The following OPN3 variants were observed in gnomAD, a reference collection of about 807,000 sequenced individuals.
OPN3 encodes the protein opsin 3, also known as opsin-3.
A neutral mutation model predicts 33.8 loss-of-function variants in OPN3; 29 were observed. That is an observed-to-expected ratio of 0.86 (90% CI 0.64 to 1.17). OPN3 has a LOEUF of 1.17. Among genes scored for constraint, OPN3 ranks in the 50% most tolerant of loss-of-function variants. The pLI is 0.00. For synonymous variants in OPN3, 216 were observed against 216.1 expected (o/e 1.00, Z 0.00); for missense variants, 437 against 514.1 (o/e 0.85, Z 1.45).
chr1:241,618,729 A>G (rs989653173), intron 1 of OPN3, among the ~76,000 whole-genome samples: 1 of 152,092 alleles, frequency 6.6e-6, no homozygotes, highest in Non-Finnish European at 1.5e-5. Context: ...GCAGCACAGA[A>G]TTGGGAATAT....
At chr1:241,634,144 TTCC>T (rs1391771987) in intron 1 of OPN3, 2 of 1,613,376 alleles carry the variant, frequency 1.2e-6, no homozygotes, top group Admixed American at 1.7e-5. Context: ...TTGTAAGTTC[TTCC>T]TCGTTTATTT....
chr1:241,604,640 C>T (rs770817766), intron 1 of OPN3, 61 bp from the exon 2 acceptor site: 19 of 1,419,900 alleles, frequency 1.3e-5, no homozygotes, highest in East Asian at 6.9e-5. Flanking sequence ...GCATAAGAGA[C>T]GTGATACATT....
At position 241,606,960 on chromosome 1, in the gene OPN3, G is replaced by A. The variant is rs11805386; in HGVS notation, c.374-2381C>T. 5.6e-3 allele frequency among the ~76,000 whole-genome samples: 855 copies of A among 152,114 alleles called. 4 individuals carry two copies. The highest frequency in any genetic ancestry group is 0.02 in the African/African-American group (812 of 41,456). ...ATCCCTTCATATTTTAACATTTCAC[G>A]ATTCTGCAATTAATAAGAATGAAAT... On this transcript the variant is annotated intron_variant, in intron 1 of 3. Transcript: ENST00000366554.
chr1:241,634,518 G>C, intron 1 of OPN3: 4 of 1,613,748 alleles, frequency 2.5e-6, no homozygotes, highest in Non-Finnish European at 3.4e-6. Flanking sequence ...GCTTTACATC[G>C]TCCAGATTCT....
chr1:241,615,013 G>C (rs1664088859), intron 1 of OPN3, among the ~76,000 whole-genome samples: 1 of 152,144 alleles, frequency 6.6e-6, no homozygotes, highest in South Asian at 2.1e-4. Flanking sequence ...CTGCTCGTCA[G>C]GAAAGGATAT....
chr1:241,594,733 G>C, intron 3 of OPN3, 42 bp from the exon 4 acceptor site: 2 of 1,592,962 alleles, frequency 1.3e-6, no homozygotes, highest in Non-Finnish European at 8.5e-7. Context: ...AGTAAAAGTT[G>C]GGCACTAATC....
intron 1 of OPN3, among the ~76,000 whole-genome samples, chr1:241,618,727 G>A (rs553962745): frequency 6.6e-6 from 1 of 152,222 alleles, no homozygotes; most frequent in African/African-American, 2.4e-5. Context: ...CAGCAGCACA[G>A]AATTGGGAAT....
At chr1:241,627,669 A>C (rs1664459433) in intron 1 of OPN3, among the ~76,000 whole-genome samples, 1 of 152,222 alleles carries the variant, frequency 6.6e-6, no homozygotes, top group South Asian at 2.1e-4. Context: ...GAAAGCTGGA[A>C]GTACTGTGCC....
intron 1 of OPN3, chr1:241,634,353 G>A (rs1664783080): frequency 6.2e-7 from 1 of 1,613,840 alleles, no homozygotes; most frequent in Admixed American, 1.7e-5. Flanking sequence ...GAAGTCTGCT[G>A]ATCTAAATCT....
At chr1:241,605,474 G>A (rs975570842) in intron 1 of OPN3, among the ~76,000 whole-genome samples, 4 of 152,218 alleles carry the variant, frequency 2.6e-5, no homozygotes, top group South Asian at 4.1e-4. Context: ...CAACAAGTCC[G>A]CTTTAATGAT....
intron 1 of OPN3, among the ~76,000 whole-genome samples, chr1:241,612,942 A>T (rs1051199750): frequency 6.6e-6 from 1 of 152,108 alleles, no homozygotes; most frequent in Non-Finnish European, 1.5e-5. Flanking sequence ...GGTCTCCTCC[A>T]TCTCATCGCT....
At chr1:241,600,355 T>TA (rs3835405) in intron 2 of OPN3, 10 of 108,946 alleles carry the variant, frequency 9.2e-5, no homozygotes, top group Admixed American at 8.7e-4. Flanking sequence ...ATTTTCCAAA[T>TA]AAAAAACTCG....
intron 1 of OPN3, chr1:241,634,832 T>C: frequency 1.2e-6 from 2 of 1,613,142 alleles, no homozygotes; most frequent in Non-Finnish European, 1.7e-6. Context: ...TTGGTATTCA[T>C]CAGGATGTTG....
chr1:241,609,245 G>C (rs1318615141), intron 1 of OPN3, among the ~76,000 whole-genome samples: 2 of 152,178 alleles, frequency 1.3e-5, no homozygotes, highest in African/African-American at 2.4e-5. Context: ...TTATGCACCA[G>C]GTCCCATGAT....
intron 1 of OPN3, among the ~76,000 whole-genome samples, chr1:241,620,972 AAG>A (rs1358882032): frequency 6.6e-6 from 1 of 152,128 alleles, no homozygotes; most frequent in African/African-American, 2.4e-5. Context: ...CCTCCATCAA[AAG>A]GGAAAAATGT....
chr1:241,617,774 T>C (rs554781858), intron 1 of OPN3, among the ~76,000 whole-genome samples: 1 of 152,324 alleles, frequency 6.6e-6, no homozygotes, highest in African/African-American at 2.4e-5. Flanking sequence ...AGAAGAAGCT[T>C]GTCATATATA....
intron 1 of OPN3, among the ~76,000 whole-genome samples, chr1:241,613,717 T>C (rs1448344847): frequency 6.6e-6 from 1 of 152,196 alleles, no homozygotes; most frequent in Non-Finnish European, 1.5e-5. Context: ...AAAGTGGTAG[T>C]TGGTTTTTAT....
At chr1:241,628,222 GGAGT>G (rs1193783132) in intron 1 of OPN3, among the ~76,000 whole-genome samples, 1 of 152,162 alleles carries the variant, frequency 6.6e-6, no homozygotes, top group South Asian at 2.1e-4. Context: ...GTTACAGTGG[GGAGT>G]GAGACGGGTA....
intron 1 of OPN3, among the ~76,000 whole-genome samples, chr1:241,606,201 T>C (rs1038361052): frequency 1.5e-4 from 23 of 152,188 alleles, no homozygotes; most frequent in African/African-American, 5.5e-4. Context: ...ACAGAATCTA[T>C]CTGCTTATCG....
Sources: gnomAD v4.1 joint callset for allele counts (sites outside exome capture counted in the v4.1 genomes callset) on GRCh38, gnomAD v4.1.1 for gene constraint, MANE v1.5 for transcripts, NCBI Gene and HGNC (gene_info 2026-07-23, HGNC 2026-07-21) for gene names.